Variants in ALK observed in about 807,000 individuals in gnomAD.
The protein encoded by ALK is ALK tyrosine kinase receptor.
In ALK, 74 loss-of-function variants were observed where a neutral mutation model predicts 163.1. That is an observed-to-expected ratio of 0.45 (90% CI 0.38 to 0.55). The LOEUF (loss-of-function observed/expected upper bound fraction) is 0.55, where lower values mean the gene tolerates loss of function less well. Among genes scored for constraint, ALK ranks in the 20% least tolerant of loss-of-function variants. ALK has a pLI of 0.00. For synonymous variants in ALK, 960 were observed against 843.2 expected, an observed-to-expected ratio of 1.14 and a Z score of -2.40; for missense variants, 2,063 against 2,105.3, an observed-to-expected ratio of 0.98 and a Z score of 0.39.
chr2:29,426,865 C>T (rs1476727420), intron 4 of ALK, among the ~76,000 whole-genome samples: 2 of 151,614 alleles, frequency 1.3e-5, no homozygotes, highest in Admixed American at 6.6e-5. Context: ...TGGTAAAACC[C>T]TATCTCTACT....
chr2:29,823,303 G>T (rs1446792045), intron 1 of ALK, among the ~76,000 whole-genome samples: 1 of 152,128 alleles, frequency 6.6e-6, no homozygotes, highest in African/African-American at 2.4e-5. Context: ...ATCATTATCA[G>T]CAGCATGAAA....
At chr2:29,498,437 AG>A in intron 4 of ALK, among the ~76,000 whole-genome samples, 1 of 152,212 alleles carries the variant, frequency 6.6e-6, no homozygotes, top group African/African-American at 2.4e-5. Context: ...TGAGATATAG[AG>A]GAAATTACTG....
chr2:29,320,070 G>A (rs766865436), intron 7 of ALK, among the ~76,000 whole-genome samples: 6 of 152,224 alleles, frequency 3.9e-5, no homozygotes, highest in Non-Finnish European at 8.8e-5. Flanking sequence ...GAGCTCTGCT[G>A]GCCATATAGA....
Position 29,652,684 on chromosome 2 carries a change from A to G in ALK, c.952+42166T>C, listed in dbSNP as rs1677068905. Reference sequence around the variant, plus strand: ...TGGCTGAAGGTTAAGTTGATCACCAATGGTCAATAATGTAATCAATCACGC... The same window carrying G: ...TGGCTGAAGGTTAAGTTGATCACCAGTGGTCAATAATGTAATCAATCACGC... On this transcript the variant is annotated intron_variant, in intron 3 of 28. Coordinates refer to ENST00000389048, the MANE Select transcript of ALK (RefSeq NM_004304.5). 4.6e-5 allele frequency among the ~76,000 whole-genome samples: 7 copies of G among 152,068 alleles called. No homozygotes were observed. In the South Asian group the frequency reaches 1.5e-3, roughly 32 times the overall value.
intron 1 of ALK, among the ~76,000 whole-genome samples, chr2:29,853,376 C>A (rs1398562208): frequency 6.6e-6 from 1 of 152,158 alleles, no homozygotes; most frequent in East Asian, 1.9e-4. Flanking sequence ...AACCAAAATC[C>A]AGGCTTTGCA....
Position 29,635,363 on chromosome 2 carries a change from G to A in ALK, c.952+59487C>T, listed in dbSNP as rs563490241. On this transcript the variant is annotated intron_variant, in intron 3 of 28. Transcript: ENST00000389048. ...GTATTAACCTAGATGATCCAGGTGA[G>A]CCCTACATTCAATCACAAGTGTCCT... Among the ~76,000 whole-genome samples the A allele has an allele frequency of 5.9e-5, 9 of 152,270 alleles. No individual in the cohort carries two copies. The East Asian group carries it at 1.2e-3, about 20-fold the overall frequency.
intron 3 of ALK, among the ~76,000 whole-genome samples, chr2:29,607,689 G>T (rs1056032258): frequency 6.6e-6 from 1 of 152,098 alleles, no homozygotes; most frequent in African/African-American, 2.4e-5. Context: ...CACTCTCTCA[G>T]TTCTCCTTCT....
At chr2:29,734,812 T>C (rs899295717) in intron 1 of ALK, among the ~76,000 whole-genome samples, 1 of 152,192 alleles carries the variant, frequency 6.6e-6, no homozygotes, top group Admixed American at 6.5e-5. Flanking sequence ...TTAAATAATT[T>C]AAATAAATTT....
intron 1 of ALK, among the ~76,000 whole-genome samples, chr2:29,759,709 G>T (rs1263714516): frequency 2.0e-5 from 3 of 152,298 alleles, no homozygotes; most frequent in Non-Finnish European, 4.4e-5. Context: ...ATGATCTTGT[G>T]AAATTTGTAG....
chr2:29,685,019 C>CT (rs1296537559), intron 3 of ALK, among the ~76,000 whole-genome samples: 1 of 152,214 alleles, frequency 6.6e-6, no homozygotes, highest in Non-Finnish European at 1.5e-5. Context: ...TTGAAACTTA[C>CT]TAGTTCATCT....
intron 1 of ALK, among the ~76,000 whole-genome samples, chr2:29,891,790 A>G (rs1288870153): frequency 6.6e-6 from 1 of 152,208 alleles, no homozygotes; most frequent in Non-Finnish European, 1.5e-5. Context: ...AAGGAAGGTC[A>G]GTGCCATGTC....
chr2:29,791,715 T>C (rs1016495314), intron 1 of ALK, among the ~76,000 whole-genome samples: 1 of 152,142 alleles, frequency 6.6e-6, no homozygotes, highest in African/African-American at 2.4e-5. Flanking sequence ...TCTCTTGTTT[T>C]TCATGACGCT....
intron 3 of ALK, among the ~76,000 whole-genome samples, chr2:29,641,719 C>T (rs1332043618): frequency 6.6e-6 from 1 of 152,106 alleles, no homozygotes; most frequent in African/African-American, 2.4e-5. Context: ...CTGCTAGTAG[C>T]TTTTAAGAAA....
chr2:29,595,339 T>C (rs1675180373), intron 3 of ALK, among the ~76,000 whole-genome samples: 1 of 148,788 alleles, frequency 6.7e-6, no homozygotes, highest in South Asian at 2.1e-4. Flanking sequence ...TTTTTTTTTT[T>C]TGAGACAGAG....
intron 7 of ALK, among the ~76,000 whole-genome samples, chr2:29,319,494 C>T (rs1288412251): frequency 6.6e-6 from 1 of 152,132 alleles, no homozygotes; most frequent in Non-Finnish European, 1.5e-5. Context: ...TTGTTCCCTT[C>T]AGATTTCTGA....
chr2:29,589,396 G>C (rs1185798201), intron 3 of ALK, among the ~76,000 whole-genome samples: 1 of 152,112 alleles, frequency 6.6e-6, no homozygotes, highest in African/African-American at 2.4e-5. Context: ...CTACCTCATG[G>C]GGAAAAATCT....
rs149770179 is a variant in ALK at position 29,394,477 on chromosome 2, T to A, written c.1155-10618A>T. Among the ~76,000 whole-genome samples the A allele has an allele frequency of 8.5e-3, 1,296 of 152,256 alleles. 17 individuals carry two copies. The highest frequency in any genetic ancestry group is 0.029 in the African/African-American group (1,206 of 41,562). ...CTCCTCCTCCAGCATCTGCTGAGCATCCCTCACCAGGGAGCTGTGGGGAGG... is the reference window on the plus strand; with the variant it reads ...CTCCTCCTCCAGCATCTGCTGAGCAACCCTCACCAGGGAGCTGTGGGGAGG... On this transcript the variant is annotated intron_variant, in intron 4 of 28. Transcript: ENST00000389048.
intron 8 of ALK, among the ~76,000 whole-genome samples, chr2:29,308,997 A>ACACC (rs1666622562): frequency 6.6e-6 from 1 of 151,952 alleles, no homozygotes; most frequent in Non-Finnish European, 1.5e-5. Flanking sequence ...CTTCAGTCAC[A>ACACC]CTGTCATGGT....
intron 1 of ALK, among the ~76,000 whole-genome samples, chr2:29,791,553 A>G (rs576764955): frequency 6.6e-6 from 1 of 152,240 alleles, no homozygotes; most frequent in South Asian, 2.1e-4. Flanking sequence ...GGTGCAGCAA[A>G]CCACCATGGC....
Sources: allele counts gnomAD v4.1 joint callset (sites outside exome capture counted in the v4.1 genomes callset), GRCh38; gene constraint gnomAD v4.1.1; transcripts MANE v1.5; gene names NCBI Gene and HGNC (gene_info 2026-07-23, HGNC 2026-07-21).